The following NUBPL variants were observed in gnomAD, a reference collection of about 807,000 sequenced individuals.
The protein encoded by NUBPL is NUBP iron-sulfur cluster assembly factor, mitochondrial.
In NUBPL, 31 loss-of-function variants were observed where a neutral mutation model predicts 45.7. The observed-to-expected ratio is 0.68, with a 90% CI of 0.51 to 0.92. The LOEUF is 0.92. NUBPL is among the 40% of genes least tolerant of loss of function. NUBPL has a pLI of 0.00. For missense variants in NUBPL, 401 were observed against 398.7 expected (o/e 1.01, Z -0.05); for synonymous variants, 144 against 140.9 (o/e 1.02, Z -0.15).
chr14:31,778,572 T>A (rs2138787851), intron 6 of NUBPL, among the ~76,000 whole-genome samples: 1 of 152,342 alleles, frequency 6.6e-6, no homozygotes, highest in African/African-American at 2.4e-5. Flanking sequence ...TAAAATGAGT[T>A]CCTTAGTCAC....
chr14:31,802,850 ATTTAAATGAGATGAGAT>A (rs1327823213), intron 7 of NUBPL, among the ~76,000 whole-genome samples: 1 of 152,208 alleles, frequency 6.6e-6, no homozygotes, highest in Non-Finnish European at 1.5e-5. Flanking sequence ...TCTCTCATTC[ATTTAAATGAGATGAGAT>A]AGGAGTTTTA....
intron 6 of NUBPL, among the ~76,000 whole-genome samples, chr14:31,721,220 A>G (rs1034508999): frequency 6.6e-6 from 1 of 152,150 alleles, no homozygotes; most frequent in East Asian, 1.9e-4. Flanking sequence ...TTCTCTGATG[A>G]TTTTACTATC....
At chr14:31,614,008 T>G (rs2034832289) in intron 4 of NUBPL, among the ~76,000 whole-genome samples, 2 of 152,132 alleles carry the variant, frequency 1.3e-5, no homozygotes, top group South Asian at 4.1e-4. Flanking sequence ...TATTTGATAA[T>G]TTTTGATTTT....
At chr14:31,586,550 A>G (rs1442653481) in intron 3 of NUBPL, among the ~76,000 whole-genome samples, 2 of 152,206 alleles carry the variant, frequency 1.3e-5, no homozygotes, top group Non-Finnish European at 2.9e-5. Context: ...CTTAATTCTT[A>G]TGGTCACAAG....
intron 6 of NUBPL, among the ~76,000 whole-genome samples, chr14:31,697,528 G>C (rs180954932): frequency 8.1e-4 from 124 of 152,184 alleles, no homozygotes; most frequent in African/African-American, 2.7e-3. Context: ...TTAAAATTTT[G>C]TGTTAATCAA....
At chr14:31,731,174 T>C (rs1185391937) in intron 6 of NUBPL, among the ~76,000 whole-genome samples, 1 of 152,192 alleles carries the variant, frequency 6.6e-6, no homozygotes, top group African/African-American at 2.4e-5. Flanking sequence ...TAAAACTTAA[T>C]CATTAGGTTG....
At chr14:31,599,223 G>T in intron 3 of NUBPL, 66 bp from the exon 4 acceptor site, 2 of 1,208,268 alleles carry the variant, frequency 1.7e-6, no homozygotes, top group Non-Finnish European at 2.4e-6. Flanking sequence ...CCTTTGAGAA[G>T]AGTGGGAACA....
In NUBPL at chr14:31,783,515, CTT is replaced by C. The variant is rs71430995; in HGVS notation, c.514-4248_514-4247del. On this transcript the variant is annotated intron_variant, in intron 6 of 10. Coordinates refer to ENST00000281081, the MANE Select transcript of NUBPL (RefSeq NM_025152.3). ...GTTCCTTGGAACCTTAATAGCAGTTCTTTTTTTTTTTTTTTTTTCTCTGAGAC... is the reference window on the plus strand; with the variant it reads ...GTTCCTTGGAACCTTAATAGCAGTTCTTTTTTTTTTTTTTTTCTCTGAGAC... Among the ~76,000 whole-genome samples the C allele has an allele frequency of 5.8e-4, 75 of 129,190 alleles. 1 individual carries two copies. The highest frequency in any genetic ancestry group is 2.0e-3 in the African/African-American group (71 of 35,412). The allele number at this position is 129,190 out of a possible 152,430, so 84.8% of individuals were successfully genotyped here. A position where few individuals can be genotyped will look rare whatever the true frequency, so the allele number is the denominator to read the frequency against.
chr14:31,804,098 C>T (rs2039641678), intron 7 of NUBPL, among the ~76,000 whole-genome samples: 1 of 152,044 alleles, frequency 6.6e-6, no homozygotes, highest in Non-Finnish European at 1.5e-5. Flanking sequence ...CTTTAGGGCT[C>T]TTGTATTTGG....
At chr14:31,798,303 G>GTTTTTTTTTTTTTTT (rs71115031) in intron 7 of NUBPL, among the ~76,000 whole-genome samples, 3 of 107,286 alleles carry the variant, frequency 2.8e-5, no homozygotes, top group Non-Finnish European at 5.2e-5. Context: ...TTTATTTATG[G>GTTTTTTTTTTTTTTT]TTTTTTTTTT....
At position 31,703,808 on chromosome 14, in the gene NUBPL, C is replaced by T. The variant is rs577754996; in HGVS notation, c.513+30234C>T. Among the ~76,000 whole-genome samples, 21 of 152,340 alleles carry T rather than the reference C, an allele frequency of 1.4e-4. No homozygotes were observed. In the South Asian group the frequency reaches 4.1e-3, roughly 30 times the overall value. Reference sequence around the variant, plus strand: ...CATGCCTGGGCTCAATCGCCCAATACCTGAGATTTTATTGGAAGCCTTTTT... The same window carrying T: ...CATGCCTGGGCTCAATCGCCCAATATCTGAGATTTTATTGGAAGCCTTTTT... On this transcript the variant is annotated intron_variant, in intron 6 of 10. Transcript: ENST00000281081.
intron 4 of NUBPL, among the ~76,000 whole-genome samples, chr14:31,653,754 A>G (rs2036071236): frequency 6.6e-6 from 1 of 152,240 alleles, no homozygotes; most frequent in Non-Finnish European, 1.5e-5. Flanking sequence ...AGAAATTATA[A>G]GAGCATTATT....
At chr14:31,783,597 A>T (rs202210069) in intron 6 of NUBPL, among the ~76,000 whole-genome samples, 2 of 147,048 alleles carry the variant, frequency 1.4e-5, no homozygotes, top group South Asian at 4.3e-4. Context: ...GGTTTGCTGC[A>T]ACCTCTGCCT....
intron 8 of NUBPL, among the ~76,000 whole-genome samples, chr14:31,834,004 T>C (rs941490397): frequency 6.6e-6 from 1 of 152,178 alleles, no homozygotes; most frequent in Non-Finnish European, 1.5e-5. Flanking sequence ...GATTAAATCC[T>C]AATGTAGATC....
chr14:31,636,427 C>G, intron 4 of NUBPL, among the ~76,000 whole-genome samples: 1 of 152,142 alleles, frequency 6.6e-6, no homozygotes, highest in Middle Eastern at 3.2e-3. Context: ...AGCTTTGCAT[C>G]GCAGGGATGA....
At chr14:31,650,785 T>C (rs1420649872) in intron 4 of NUBPL, among the ~76,000 whole-genome samples, 1 of 152,172 alleles carries the variant, frequency 6.6e-6, no homozygotes, top group African/African-American at 2.4e-5. Context: ...TGTATTTGGC[T>C]CATGATTTTT....
chr14:31,619,950 G>T (rs2035015620), intron 4 of NUBPL, among the ~76,000 whole-genome samples: 1 of 151,974 alleles, frequency 6.6e-6, no homozygotes, highest in Admixed American at 6.6e-5. Context: ...TATTTACATA[G>T]TCCCATATTT....
intron 6 of NUBPL, among the ~76,000 whole-genome samples, chr14:31,674,547 C>T (rs747744853): frequency 6.6e-6 from 1 of 152,098 alleles, no homozygotes; most frequent in East Asian, 1.9e-4. Context: ...CATTTAAAAT[C>T]CCCAAACCAC....
intron 7 of NUBPL, among the ~76,000 whole-genome samples, chr14:31,791,004 C>T (rs1439466436): frequency 1.3e-5 from 2 of 152,144 alleles, no homozygotes; most frequent in African/African-American, 2.4e-5. Flanking sequence ...TGTAGTGGCT[C>T]ATGCCTGTAA....
Sources: allele counts gnomAD v4.1 joint callset (sites outside exome capture counted in the v4.1 genomes callset), GRCh38; gene constraint gnomAD v4.1.1; transcripts MANE v1.5; gene names NCBI Gene and HGNC (gene_info 2026-07-23, HGNC 2026-07-21).